The following SPATS2L variants were observed in gnomAD, a reference collection of about 807,000 sequenced individuals.
The protein encoded by SPATS2L is spermatogenesis associated serine rich 2 like, also known as SPATS2-like protein.
Under a neutral mutation model 59.6 loss-of-function variants are expected in SPATS2L, and 30 were observed. The ratio of observed to expected loss-of-function variants is 0.50; its 90% confidence interval spans 0.38 to 0.68. SPATS2L has a LOEUF of 0.68. SPATS2L is among the 30% of genes least tolerant of loss of function. The probability of loss-of-function intolerance (pLI) is 0.00; values close to 1 mark genes in which losing one functional copy is unlikely to be tolerated. For synonymous variants in SPATS2L, 252 were observed against 263.5 expected, an observed-to-expected ratio of 0.96 and a Z score of 0.42; for missense variants, 615 against 700.0, an observed-to-expected ratio of 0.88 and a Z score of 1.37.
intron 2 of SPATS2L, among the ~76,000 whole-genome samples, chr2:200,341,120 A>G (rs970485465): frequency 6.6e-6 from 1 of 152,238 alleles, no homozygotes; most frequent in African/African-American, 2.4e-5. Flanking sequence ...GCTTTAATGC[A>G]TTATCCCAAC....
At chr2:200,314,468 T>C (rs1413779464) in intron 1 of SPATS2L, among the ~76,000 whole-genome samples, 2 of 151,160 alleles carry the variant, frequency 1.3e-5, no homozygotes, top group Admixed American at 1.3e-4. Context: ...TTCCTCATAC[T>C]GCTGCCTTTC....
chr2:200,468,347 T>TACACACACACACACTCACACACACACAC (rs2086749172), intron 10 of SPATS2L, among the ~76,000 whole-genome samples: 1 of 110,082 alleles, frequency 9.1e-6, no homozygotes, highest in Non-Finnish European at 1.9e-5. Context: ...CCCAGTATAC[T>TACACACACACACACTCACACACACACAC]ACACACACAC....
chr2:200,348,135 A>G (rs915291552), intron 2 of SPATS2L, among the ~76,000 whole-genome samples: 1 of 152,212 alleles, frequency 6.6e-6, no homozygotes, highest in Non-Finnish European at 1.5e-5. Flanking sequence ...CTTGTGATAA[A>G]CCCTGAAAAA....
At chr2:200,338,665 A>T (rs2080221342) in intron 2 of SPATS2L, among the ~76,000 whole-genome samples, 1 of 152,226 alleles carries the variant, frequency 6.6e-6, no homozygotes, top group Non-Finnish European at 1.5e-5. Flanking sequence ...TAATGAAAAT[A>T]GTTTTGCTGC....
At chr2:200,394,199 C>G (rs892253618) in intron 3 of SPATS2L, among the ~76,000 whole-genome samples, 4 of 152,216 alleles carry the variant, frequency 2.6e-5, no homozygotes, top group African/African-American at 9.7e-5. Context: ...CATACATCCC[C>G]TGCATGAGTG....
In SPATS2L at chr2:200,479,785, C is replaced by A; in HGVS notation, c.*1754C>A. ...CACAGAGCGGCCCTGAGCAGCTGAGCCTGCAAGCCACGCAAGCATCTGTTT... is the reference window on the plus strand; with the variant it reads ...CACAGAGCGGCCCTGAGCAGCTGAGACTGCAAGCCACGCAAGCATCTGTTT... On this transcript the variant is annotated 3_prime_UTR_variant, in exon 13 of 13. Transcript: ENST00000409140. 2 of 398,676 alleles carry A rather than the reference C, an allele frequency of 5.0e-6. No individual in the cohort carries two copies. Among genetic ancestry groups the A allele is most frequent in the Non-Finnish European group, 8.8e-6 (2 of 226,108 alleles). The allele number at this position is 398,676 out of a possible 1,614,324, so 24.7% of individuals were successfully genotyped here. A position where few individuals can be genotyped will look rare whatever the true frequency, so the allele number is the denominator to read the frequency against.
At position 200,479,356 on chromosome 2, in the gene SPATS2L, G is replaced by A. The variant is rs2087725487; in HGVS notation, c.*1325G>A. The A allele has an allele frequency of 2.5e-6, 1 of 393,494 alleles. No homozygotes were observed. The highest frequency in any genetic ancestry group is 4.5e-6 in the Non-Finnish European group (1 of 223,298). The allele number at this position is 393,494 out of a possible 1,614,324, so 24.4% of individuals were successfully genotyped here. ...GTTATCCTAGTAGCTTCTACACAGA[G>A]CAAGTGTCTTTCTCAGAAATCCCAG... On this transcript the variant is annotated 3_prime_UTR_variant, in exon 13 of 13. Transcript: ENST00000409140.
intron 2 of SPATS2L, among the ~76,000 whole-genome samples, chr2:200,336,407 T>A (rs1187609562): frequency 4.6e-5 from 7 of 152,152 alleles, no homozygotes; most frequent in African/African-American, 1.7e-4. Flanking sequence ...TATATGAATT[T>A]AAAAAAAAAG....
At chr2:200,457,797 T>C (rs187565592) in intron 8 of SPATS2L, among the ~76,000 whole-genome samples, 15 of 152,366 alleles carry the variant, frequency 9.8e-5, no homozygotes, top group Non-Finnish European at 1.5e-4. Flanking sequence ...TTGCACAGTC[T>C]ACTTGAGGAG....
At chr2:200,425,723 GGACAA>G (rs1472617294) in intron 6 of SPATS2L, among the ~76,000 whole-genome samples, 2 of 152,124 alleles carry the variant, frequency 1.3e-5, no homozygotes, top group Non-Finnish European at 2.9e-5. Flanking sequence ...TACAGGAAGC[GGACAA>G]GACAACAAAG....
intron 2 of SPATS2L, among the ~76,000 whole-genome samples, chr2:200,351,712 AT>A (rs3835863): frequency 1.3e-5 from 2 of 151,420 alleles, no homozygotes; most frequent in African/African-American, 4.9e-5. Context: ...ATAGATTGAG[AT>A]TTTTTTTTGA....
At chr2:200,458,200 C>A (rs1421297790) in intron 8 of SPATS2L, among the ~76,000 whole-genome samples, 1 of 152,006 alleles carries the variant, frequency 6.6e-6, no homozygotes, top group Non-Finnish European at 1.5e-5. Flanking sequence ...TGGAAGAATT[C>A]CAGGAAATAA....
intron 8 of SPATS2L, among the ~76,000 whole-genome samples, chr2:200,449,816 T>C (rs2085317179): frequency 6.6e-6 from 1 of 152,184 alleles, no homozygotes; most frequent in Non-Finnish European, 1.5e-5. Flanking sequence ...ATCTTGGAGC[T>C]TATTTCTGTT....
chr2:200,440,669 G>A lies in SPATS2L; in HGVS notation c.673G>A (p.Val225Met), dbSNP rs768369547. ...KKRGPNIEKSVKDLQRCTVSL... is the reference protein window; with the variant it reads ...KKRGPNIEKSMKDLQRCTVSL... ...TTTAGGCCCAAATATTGAGAAATCA[G>A]TGAAGGATTTGCAACGCTGCACCGT... is the stretch of plus-strand genomic sequence containing the variant. The change falls in exon 8 of 13, where the codon GTG becomes ATG. Residue 225 changes from valine to methionine, a missense_variant. Physicochemically the swap from Val to Met is conservative, Grantham distance 21. Transcript: ENST00000409140. 2.5e-6 allele frequency: 4 copies of A among 1,612,986 alleles called. No individual in the cohort carries two copies. The South Asian group carries it at 4.4e-5, about 18-fold the overall frequency.
intron 1 of SPATS2L, among the ~76,000 whole-genome samples, chr2:200,311,142 T>C (rs1179823560): frequency 2.6e-5 from 4 of 152,354 alleles, no homozygotes; most frequent in African/African-American, 2.4e-5. Flanking sequence ...TCTGAACTGC[T>C]CACCATTGGG....
intron 3 of SPATS2L, among the ~76,000 whole-genome samples, chr2:200,409,972 G>T (rs1424494959): frequency 6.6e-6 from 1 of 152,100 alleles, no homozygotes; most frequent in Non-Finnish European, 1.5e-5. Flanking sequence ...ATTGTGTTTT[G>T]CAGGGGAGAG....
At chr2:200,472,445 G>A (rs1216186242) in intron 11 of SPATS2L, among the ~76,000 whole-genome samples, 1 of 152,238 alleles carries the variant, frequency 6.6e-6, no homozygotes. Flanking sequence ...GTGAGAACAG[G>A]TTTGGTAATG....
intron 1 of SPATS2L, among the ~76,000 whole-genome samples, chr2:200,312,356 A>G (rs1176707248): frequency 6.6e-6 from 1 of 152,190 alleles, no homozygotes; most frequent in Non-Finnish European, 1.5e-5. Flanking sequence ...AGTTGAGTAA[A>G]GGTGTAAACA....
At chr2:200,395,501 A>G (rs1201724819) in intron 3 of SPATS2L, among the ~76,000 whole-genome samples, 1 of 152,036 alleles carries the variant, frequency 6.6e-6, no homozygotes, top group African/African-American at 2.4e-5. Context: ...GTCAGAGATT[A>G]TTAGTTGAGC....
Sources: allele counts gnomAD v4.1 joint callset (sites outside exome capture counted in the v4.1 genomes callset), GRCh38; gene constraint gnomAD v4.1.1; transcripts MANE v1.5; gene names NCBI Gene and HGNC (gene_info 2026-07-23, HGNC 2026-07-21).